The following DSCAML1 variants were observed in gnomAD, a reference collection of about 807,000 sequenced individuals.
The protein encoded by DSCAML1 is cell adhesion molecule DSCAML1.
A neutral mutation model predicts 200.5 loss-of-function variants in DSCAML1; 38 were observed. The observed-to-expected ratio is 0.19, with a 90% CI of 0.15 to 0.25. The LOEUF is 0.25. Ranked by LOEUF, DSCAML1 falls within the 10% of genes least tolerant of loss-of-function variation. The pLI is 1.00. For missense variants in DSCAML1, 2,223 were observed against 2,858.8 expected, an observed-to-expected ratio of 0.78 and a Z score of 5.07; for synonymous variants, 1,215 against 1,165.0, an observed-to-expected ratio of 1.04 and a Z score of -0.87.
chr11:117,737,480 C>T (rs942778827), intron 3 of DSCAML1, among the ~76,000 whole-genome samples: 5 of 152,178 alleles, frequency 3.3e-5, no homozygotes, highest in South Asian at 2.1e-4. Flanking sequence ...CAAAGGGGAT[C>T]GTGGCATAAT....
intron 3 of DSCAML1, among the ~76,000 whole-genome samples, chr11:117,754,511 G>T (rs371986284): frequency 6.6e-6 from 1 of 152,080 alleles, no homozygotes; most frequent in Non-Finnish European, 1.5e-5. Flanking sequence ...GGAGCGGGGG[G>T]TGTGAGAATG....
chr11:117,754,903 G>A (rs1591475208), intron 3 of DSCAML1, among the ~76,000 whole-genome samples: 1 of 152,280 alleles, frequency 6.6e-6, no homozygotes, highest in South Asian at 2.1e-4. Flanking sequence ...CATGTGCTGA[G>A]ATCCCCAGCG....
chr11:117,431,481 T>C (rs1296570987), intron 31 of DSCAML1, 53 bp downstream of exon 31: 16 of 1,454,472 alleles, frequency 1.1e-5, no homozygotes, highest in African/African-American at 4.2e-5. Flanking sequence ...TGAAGGTGAA[T>C]GATGGGGAAC....
chr11:117,755,426 A>G (rs1465841375), intron 3 of DSCAML1, among the ~76,000 whole-genome samples: 1 of 151,970 alleles, frequency 6.6e-6, no homozygotes. Context: ...CAGCATCCCC[A>G]TTTTCTAGAT....
intron 3 of DSCAML1, among the ~76,000 whole-genome samples, chr11:117,775,251 C>G (rs1217259914): frequency 1.3e-5 from 2 of 152,314 alleles, no homozygotes; most frequent in East Asian, 3.9e-4. Flanking sequence ...GAACCCTGGA[C>G]TCAGCCTCAG....
chr11:117,480,297 G>T lies in DSCAML1; in HGVS notation c.2785+146C>A, dbSNP rs557589220. On this transcript the variant is annotated intron_variant, in intron 14 of 32. Transcript: ENST00000651296. The surrounding 1 kb of genome is among the most constrained non-coding windows in gnomAD (Gnocchi z 4.1). ...GTCCCTCCCTTCAGAAGCCACAGCT[G>T]CTTGTGCACTGGTGGGTGCTTGTGT... 1.6e-6 allele frequency: 2 copies of T among 1,273,072 alleles called. No individual in the cohort carries two copies. The highest frequency in any genetic ancestry group is 2.9e-5 in the South Asian group (2 of 68,382). 78.9% of individuals were successfully genotyped at this position (1,273,072 alleles called of 1,614,324 possible).
chr11:117,436,286 T>C (rs11216384), intron 26 of DSCAML1, among the ~76,000 whole-genome samples: 55,702 of 151,944 alleles, frequency 0.37, 10,409 homozygotes, highest in Middle Eastern at 0.43. Flanking sequence ...TCTGTTAACC[T>C]GGGGCTCCTG....
Position 117,715,865 on chromosome 11 carries a change from C to T in DSCAML1, c.511+60926G>A, listed in dbSNP as rs2137781394. Among the ~76,000 whole-genome samples the T allele has an allele frequency of 2.6e-5, 4 of 152,302 alleles. No individual in the cohort carries two copies. The Middle Eastern group carries it at 0.01, about 389-fold the overall frequency. ...TGTGGTTTAACCATATATAACCCTC[C>T]TCTATCCATTATTCCGTCCTCAGAT... is the stretch of plus-strand genomic sequence containing the variant. On this transcript the variant is annotated intron_variant, in intron 3 of 32. Coordinates refer to ENST00000651296, the MANE Select transcript of DSCAML1 (RefSeq NM_020693.4).
chr11:117,756,661 G>A (rs778668676), intron 3 of DSCAML1, among the ~76,000 whole-genome samples: 7 of 151,994 alleles, frequency 4.6e-5, no homozygotes, highest in Non-Finnish European at 7.4e-5. Context: ...AGAAATTTAG[G>A]TAAAGGGCCA....
At chr11:117,644,612 A>G (rs916288937) in intron 3 of DSCAML1, among the ~76,000 whole-genome samples, 1 of 152,208 alleles carries the variant, frequency 6.6e-6, no homozygotes, top group African/African-American at 2.4e-5. Flanking sequence ...AGGGTTTATT[A>G]AATACGTTCA....
intron 3 of DSCAML1, among the ~76,000 whole-genome samples, chr11:117,561,499 A>G (rs1273905518): frequency 6.6e-6 from 1 of 152,166 alleles, no homozygotes; most frequent in Non-Finnish European, 1.5e-5. Flanking sequence ...GGGCTGCTCC[A>G]GTCATGTCTC....
At chr11:117,623,312 G>A (rs1306663699) in intron 3 of DSCAML1, among the ~76,000 whole-genome samples, 1 of 147,692 alleles carries the variant, frequency 6.8e-6, no homozygotes, top group East Asian at 2.0e-4. Flanking sequence ...CACATCTCAG[G>A]TTCAAGTGAT....
At chr11:117,428,859 T>A (rs1486395707) in intron 32 of DSCAML1, 56 bp from the exon 33 acceptor site, 12 of 1,491,556 alleles carry the variant, frequency 8.0e-6, no homozygotes, top group Non-Finnish European at 1.1e-5. Context: ...TGGAAGCAGC[T>A]CGTTCAGCCC....
intron 3 of DSCAML1, among the ~76,000 whole-genome samples, chr11:117,702,523 G>T (rs1465695147): frequency 6.6e-6 from 1 of 151,998 alleles, no homozygotes; most frequent in East Asian, 1.9e-4. Flanking sequence ...TGCATTTGCT[G>T]CTTACCCTCC....
Position 117,463,315 on chromosome 11 carries a change from C to T in DSCAML1, c.3265+1627G>A, listed in dbSNP as rs145272617. On this transcript the variant is annotated intron_variant, in intron 17 of 32. Coordinates refer to ENST00000651296, the MANE Select transcript of DSCAML1 (RefSeq NM_020693.4). The surrounding 1 kb of genome is among the most constrained non-coding windows in gnomAD (Gnocchi z 4.0). ...CTTGGTGCTATGATTCCCAAAGGTG[C>T]TCCCTGGACAAGCAGCATTACCTGG... 2.2e-3 allele frequency among the ~76,000 whole-genome samples: 336 copies of T among 151,830 alleles called. 2 individuals are homozygous for T. Among genetic ancestry groups the T allele is most frequent in the Admixed American group, 4.5e-3 (69 of 15,270 alleles).
intron 3 of DSCAML1, among the ~76,000 whole-genome samples, chr11:117,600,185 C>T (rs2051437752): frequency 1.3e-5 from 2 of 152,186 alleles, no homozygotes; most frequent in African/African-American, 4.8e-5. Context: ...CTACTCCTGA[C>T]CACCCTCACA....
intron 3 of DSCAML1, among the ~76,000 whole-genome samples, chr11:117,721,892 G>A (rs180990356): frequency 7.3e-5 from 11 of 151,360 alleles, no homozygotes; most frequent in South Asian, 2.1e-4. Context: ...TGAAGGCTCC[G>A]TATATTACAT....
chr11:117,565,798 AG>A (rs2050746143), intron 3 of DSCAML1, among the ~76,000 whole-genome samples: 1 of 152,192 alleles, frequency 6.6e-6, no homozygotes, highest in African/African-American at 2.4e-5. Flanking sequence ...ATGCATGGCC[AG>A]GCTCACTCAG....
rs79433828 is a variant in DSCAML1 at position 117,625,945 on chromosome 11, A to C, written c.512-93423T>G. ...CGCATCTTCCCCTAAAACCCATGAC[A>C]GAAGCGCTGGTCCCATGCCTGTGGG... On this transcript the variant is annotated intron_variant, in intron 3 of 32. Coordinates refer to ENST00000651296, the MANE Select transcript of DSCAML1 (RefSeq NM_020693.4). Among the ~76,000 whole-genome samples, 941 of 152,328 alleles carry C rather than the reference A, an allele frequency of 6.2e-3. 10 individuals carry two copies. The highest frequency in any genetic ancestry group is 0.022 in the African/African-American group (904 of 41,574).
Sources: gnomAD v4.1 joint callset for allele counts (sites outside exome capture counted in the v4.1 genomes callset) on GRCh38, gnomAD v4.1.1 for gene constraint, Gnocchi (gnomAD v3.1) non-coding constraint, MANE v1.5 for transcripts, NCBI Gene and HGNC (gene_info 2026-07-23, HGNC 2026-07-21) for gene names.